The following ZNF487 variants were observed in gnomAD, a reference collection of about 807,000 sequenced individuals.
ZNF487 encodes the protein KRAB domain only 1.
A neutral mutation model predicts 3.0 loss-of-function variants in ZNF487; 4 were observed. The ratio of observed to expected loss-of-function variants is 1.35; its 90% CI spans 0.66 to 3.08. The LOEUF is 3.08. ZNF487 is among the 30% of genes most tolerant of loss of function. The pLI is 0.01. For synonymous variants in ZNF487, 55 were observed against 34.6 expected, an observed-to-expected ratio of 1.59 and a Z score of -2.06; for missense variants, 146 against 98.7, an observed-to-expected ratio of 1.48 and a Z score of -2.03.
chr10:43,494,730 G>GC, the ZNF487 span, among the ~76,000 whole-genome samples: 1 of 134,042 alleles, frequency 7.5e-6, no homozygotes, highest in Non-Finnish European at 1.5e-5. Context: ...GACCAGCCTG[G>GC]CCAACATGGT....
intron 1 of ZNF487, among the ~76,000 whole-genome samples, chr10:43,466,181 A>AGAGAGGGAGAGCGAGACCGTAGG (rs1554798611): frequency 2.2e-5 from 3 of 135,392 alleles, no homozygotes; most frequent in African/African-American, 8.4e-5. Context: ...GACCGTGGAA[A>AGAGAGGGAGAGCGAGACCGTAGG]GAGAGGGAGA....
upstream of ZNF487, chr10:43,436,934 G>T: frequency 4.3e-6 from 2 of 467,102 alleles, no homozygotes; most frequent in South Asian, 3.1e-5. Flanking sequence ...AAGAAGGCTG[G>T]GGTAAGAGTC....
the ZNF487 span, among the ~76,000 whole-genome samples, chr10:43,502,086 A>ATGTTTAT: frequency 1.6e-4 from 25 of 152,356 alleles, 1 homozygote; most frequent in African/African-American, 6.0e-4. Context: ...ATGCACATGT[A>ATGTTTAT]TGTTTATTGC....
At chr10:43,511,274 A>G in the ZNF487 span, among the ~76,000 whole-genome samples, 2 of 152,154 alleles carry the variant, frequency 1.3e-5, no homozygotes, top group Admixed American at 6.6e-5. Flanking sequence ...GATGATGGGG[A>G]ACATGGTTAG....
chr10:43,440,392 C>CA (rs1357959300), intron 1 of ZNF487, among the ~76,000 whole-genome samples: 2 of 151,550 alleles, frequency 1.3e-5, no homozygotes, highest in Non-Finnish European at 2.9e-5. Flanking sequence ...CACAGTGGCT[C>CA]ACACCTATAA....
At chr10:43,443,289 C>T (rs566771897) in intron 1 of ZNF487, among the ~76,000 whole-genome samples, 8 of 151,856 alleles carry the variant, frequency 5.3e-5, no homozygotes, top group East Asian at 3.9e-4. Context: ...GTCTCGAACT[C>T]CTGACCTCAG....
At chr10:43,471,308 C>G (rs1840900677) in intron 1 of ZNF487, among the ~76,000 whole-genome samples, 1 of 152,184 alleles carries the variant, frequency 6.6e-6, no homozygotes, top group Non-Finnish European at 1.5e-5. Flanking sequence ...CCCACACTTG[C>G]TCGCACACTT....
At chr10:43,470,426 C>T (rs962142424) in intron 1 of ZNF487, among the ~76,000 whole-genome samples, 4 of 152,166 alleles carry the variant, frequency 2.6e-5, no homozygotes, top group Non-Finnish European at 4.4e-5. Flanking sequence ...TTTTGTTGCC[C>T]AGGCTGGAGT....
intron 3 of ZNF487, among the ~76,000 whole-genome samples, chr10:43,480,021 TTCTTTCTTTCTTTC>T (rs1841279269): frequency 2.7e-5 from 2 of 72,868 alleles, no homozygotes; most frequent in Admixed American, 3.4e-4. Context: ...CTTTCTTTCT[TTCTTTCTTTCTTTC>T]TTTCTTTCTT....
At chr10:43,457,736 C>G (rs1055255803) in intron 1 of ZNF487, among the ~76,000 whole-genome samples, 3 of 148,404 alleles carry the variant, frequency 2.0e-5, no homozygotes, top group African/African-American at 7.4e-5. Flanking sequence ...AGAGTTACAG[C>G]TCTTTGCCGG....
At chr10:43,459,240 T>C (rs1840331801) in intron 1 of ZNF487, among the ~76,000 whole-genome samples, 1 of 152,164 alleles carries the variant, frequency 6.6e-6, no homozygotes, top group Non-Finnish European at 1.5e-5. Context: ...TTTCTTTCTT[T>C]CTTTTTTTAG....
chr10:43,470,311 T>C (rs1840859618), intron 1 of ZNF487, among the ~76,000 whole-genome samples: 1 of 151,824 alleles, frequency 6.6e-6, no homozygotes, highest in Non-Finnish European at 1.5e-5. Flanking sequence ...CTCCCTGGGC[T>C]TCGGTGATAC....
At chr10:43,498,600 T>G in the ZNF487 span, among the ~76,000 whole-genome samples, 1 of 151,122 alleles carries the variant, frequency 6.6e-6, no homozygotes, top group African/African-American at 2.4e-5. Context: ...ATTTATTGAG[T>G]TGGCGAAAAA....
chr10:43,470,820 T>G (rs1487906519), intron 1 of ZNF487, among the ~76,000 whole-genome samples: 1 of 151,976 alleles, frequency 6.6e-6, no homozygotes, highest in African/African-American at 2.4e-5. Flanking sequence ...CACTTTGCCT[T>G]AACTTTTTCC....
At chr10:43,494,936 CAAA>C in the ZNF487 span, among the ~76,000 whole-genome samples, 1 of 132,422 alleles carries the variant, frequency 7.6e-6, no homozygotes, top group Non-Finnish European at 1.6e-5. Flanking sequence ...GACTCCATCT[CAAA>C]AAAAAAAAAA....
At chr10:43,476,346 G>A (rs1841100753) in intron 3 of ZNF487, 144 bp downstream of exon 3, 1 of 590,816 alleles carries the variant, frequency 1.7e-6, no homozygotes, top group Non-Finnish European at 3.0e-6. Context: ...AGAAGAGTTG[G>A]CCTGCTTGCC....
the ZNF487 span, among the ~76,000 whole-genome samples, chr10:43,518,763 C>T: frequency 6.6e-6 from 1 of 152,158 alleles, no homozygotes; most frequent in African/African-American, 2.4e-5. Context: ...CTTCTGTTCT[C>T]TCTTACAGCA....
chr10:43,513,863 T>C, the ZNF487 span, among the ~76,000 whole-genome samples: 1 of 152,176 alleles, frequency 6.6e-6, no homozygotes, highest in Non-Finnish European at 1.5e-5. Context: ...ATGTTTTGGG[T>C]CCCCTGGAAT....
At chr10:43,445,664 T>G (rs1822441525) in intron 1 of ZNF487, among the ~76,000 whole-genome samples, 1 of 151,898 alleles carries the variant, frequency 6.6e-6, no homozygotes, top group Non-Finnish European at 1.5e-5. Flanking sequence ...CCTCAAAAAT[T>G]TTATTTTATT....
Sources: allele counts gnomAD v4.1 joint callset (sites outside exome capture counted in the v4.1 genomes callset), GRCh38; gene constraint gnomAD v4.1.1; transcripts MANE v1.5; gene names NCBI Gene and HGNC (gene_info 2026-07-23, HGNC 2026-07-21).